The following ZHX2 variants were observed in gnomAD, a reference collection of about 807,000 sequenced individuals.
ZHX2 encodes zinc fingers and homeoboxes 2.
A neutral mutation model predicts 21.9 loss-of-function variants in ZHX2; 6 were observed. That is an observed-to-expected ratio of 0.27 (90% CI 0.15 to 0.54). The LOEUF (loss-of-function observed/expected upper bound fraction) is 0.54. Ranked by LOEUF, ZHX2 falls within the 20% of genes least tolerant of loss-of-function variation. ZHX2 has a pLI of 0.95. For synonymous variants in ZHX2, 434 were observed against 437.1 expected (o/e 0.99, Z 0.09); for missense variants, 908 against 1,090.7 (o/e 0.83, Z 2.36).
chr8:122,888,773 G>A (rs971078638), intron 2 of ZHX2, among the ~76,000 whole-genome samples: 7 of 152,256 alleles, frequency 4.6e-5, no homozygotes, highest in Middle Eastern at 3.4e-3. Context: ...GTGAGCCACC[G>A]CGCACAGCCA....
At chr8:122,795,786 A>G (rs1454827189) in intron 1 of ZHX2, among the ~76,000 whole-genome samples, 1 of 152,230 alleles carries the variant, frequency 6.6e-6, no homozygotes, top group Non-Finnish European at 1.5e-5. Context: ...AGTAAAAGGC[A>G]AGGCTGGGAT....
At position 122,782,129 on chromosome 8, in the gene ZHX2, G is replaced by C. The variant is rs534304768; in HGVS notation, c.-283+183G>C. On this transcript the variant is annotated intron_variant, in intron 1 of 3. Transcript: ENST00000314393. This position sits in a 1 kb window ranked among gnomAD's most constrained non-coding sequence, Gnocchi z 5.3. Reference sequence around the variant, plus strand: ...TGATTGGAAGGGGGGTACGGAAGGGGGGGGGTGTGCAGGCTCTTTTTGCGG... The same window carrying C: ...TGATTGGAAGGGGGGTACGGAAGGGCGGGGGTGTGCAGGCTCTTTTTGCGG... Among the ~76,000 whole-genome samples, 1 of 146,660 alleles carries C rather than the reference G, an allele frequency of 6.8e-6. No individual in the cohort carries two copies. The highest frequency in any genetic ancestry group is 2.5e-5 in the African/African-American group (1 of 40,708).
intron 2 of ZHX2, among the ~76,000 whole-genome samples, chr8:122,892,502 T>C (rs2129875087): frequency 6.6e-6 from 1 of 152,296 alleles, no homozygotes; most frequent in South Asian, 2.1e-4. Context: ...TTTTTGTTCC[T>C]TTCTTCCTCT....
At chr8:122,826,122 A>T (rs994350898) in intron 1 of ZHX2, among the ~76,000 whole-genome samples, 1 of 152,214 alleles carries the variant, frequency 6.6e-6, no homozygotes, top group African/African-American at 2.4e-5. Context: ...CTAGAGGGAA[A>T]ATGGGCCATT....
At chr8:122,873,942 A>G (rs1819506389) in intron 2 of ZHX2, among the ~76,000 whole-genome samples, 1 of 152,156 alleles carries the variant, frequency 6.6e-6, no homozygotes, top group Non-Finnish European at 1.5e-5. Flanking sequence ...TCTGACGTTC[A>G]TTGGCTTCCT....
At chr8:122,796,357 A>C (rs746217365) in intron 1 of ZHX2, among the ~76,000 whole-genome samples, 2 of 152,012 alleles carry the variant, frequency 1.3e-5, no homozygotes, top group Non-Finnish European at 2.9e-5. Flanking sequence ...TCCTCAAGAC[A>C]CTGTCCTCTT....
intron 1 of ZHX2, among the ~76,000 whole-genome samples, chr8:122,851,221 A>G (rs1586326308): frequency 6.6e-6 from 1 of 152,222 alleles, no homozygotes; most frequent in East Asian, 1.9e-4. Context: ...GAAGTGTGAG[A>G]GAAAAAGAAG....
intron 2 of ZHX2, among the ~76,000 whole-genome samples, chr8:122,890,978 G>T (rs190202942): frequency 6.6e-6 from 1 of 151,976 alleles, no homozygotes; most frequent in Non-Finnish European, 1.5e-5. Flanking sequence ...TTGCATCCAT[G>T]TTCACCAGGT....
At chr8:122,924,533 G>A (rs1008281980) in intron 2 of ZHX2, among the ~76,000 whole-genome samples, 21 of 152,178 alleles carry the variant, frequency 1.4e-4, no homozygotes, top group Non-Finnish European at 3.1e-4. Flanking sequence ...TAAAGGTGGT[G>A]AGCAGAGATG....
At chr8:122,918,889 A>G (rs1820667473) in intron 2 of ZHX2, among the ~76,000 whole-genome samples, 1 of 151,238 alleles carries the variant, frequency 6.6e-6, no homozygotes, top group Non-Finnish European at 1.5e-5. Flanking sequence ...TGGAGGTTGC[A>G]GTGAGCCGAG....
chr8:122,873,947 C>T (rs923076331), intron 2 of ZHX2, among the ~76,000 whole-genome samples: 5 of 152,160 alleles, frequency 3.3e-5, no homozygotes, highest in African/African-American at 1.2e-4. Context: ...CGTTCATTGG[C>T]TTCCTACATC....
chr8:122,868,048 T>C (rs1260195914), intron 2 of ZHX2, among the ~76,000 whole-genome samples: 1 of 152,206 alleles, frequency 6.6e-6, no homozygotes, highest in East Asian at 1.9e-4. Context: ...GGTCCTGACA[T>C]GCATGTGGAC....
chr8:122,913,094 A>G (rs1233824167), intron 2 of ZHX2, among the ~76,000 whole-genome samples: 2 of 152,188 alleles, frequency 1.3e-5, no homozygotes, highest in South Asian at 2.1e-4. Context: ...TTCTGCCTCT[A>G]TAGACTTCAT....
intron 3 of ZHX2, among the ~76,000 whole-genome samples, chr8:122,971,022 C>T (rs920262910): frequency 6.6e-6 from 1 of 152,228 alleles, no homozygotes; most frequent in African/African-American, 2.4e-5. Flanking sequence ...TGGAGTCGGG[C>T]TTCACCACTC....
chr8:122,903,418 G>T (rs1820275711), intron 2 of ZHX2, among the ~76,000 whole-genome samples: 1 of 152,180 alleles, frequency 6.6e-6, no homozygotes, highest in Non-Finnish European at 1.5e-5. Context: ...CTGACCTTCA[G>T]TAATTACCAG....
At chr8:122,943,258 T>C (rs932516214) in intron 2 of ZHX2, among the ~76,000 whole-genome samples, 2 of 150,556 alleles carry the variant, frequency 1.3e-5, no homozygotes, top group Non-Finnish European at 3.0e-5. Flanking sequence ...GGAAACTCCA[T>C]CTCAAAAAAA....
intron 2 of ZHX2, among the ~76,000 whole-genome samples, chr8:122,871,728 CAA>C (rs35881741): frequency 1.5e-4 from 16 of 107,956 alleles, no homozygotes; most frequent in East Asian, 2.6e-4. Context: ...TTTCTCAGGG[CAA>C]AAAAAAAAAA....
chr8:122,915,812 G>A lies in ZHX2; in HGVS notation c.-219-35480G>A, dbSNP rs141668519. Among the ~76,000 whole-genome samples the A allele has an allele frequency of 6.0e-3, 917 of 152,306 alleles. 4 individuals carry two copies. The highest frequency in any genetic ancestry group is 9.6e-3 in the Non-Finnish European group (653 of 68,034). On this transcript the variant is annotated intron_variant, in intron 2 of 3. Transcript: ENST00000314393. ...GGAAAGGATTTGTTTGTGGTGCTGG[G>A]AACTCTTCCCCACCGCACAGTGGTC... is the stretch of plus-strand genomic sequence containing the variant.
intron 1 of ZHX2, among the ~76,000 whole-genome samples, chr8:122,806,252 T>G (rs971607813): frequency 6.6e-6 from 1 of 152,186 alleles, no homozygotes; most frequent in African/African-American, 2.4e-5. Context: ...GGGCTTAGGT[T>G]GAACTGTGTG....
Sources: allele counts gnomAD v4.1 joint callset (sites outside exome capture counted in the v4.1 genomes callset), GRCh38; gene constraint gnomAD v4.1.1; non-coding constraint Gnocchi (gnomAD v3.1); transcripts MANE v1.5; gene names NCBI Gene and HGNC (gene_info 2026-07-23, HGNC 2026-07-21).